CCDC86: variants seen among roughly 807,000 people sequenced by gnomAD.
The protein encoded by CCDC86 is coiled-coil domain-containing protein 86.
CCDC86 carries 28 observed loss-of-function variants against 36.7 expected under a neutral mutation model. That is an observed-to-expected ratio of 0.76 (90% CI 0.57 to 1.05). The LOEUF (loss-of-function observed/expected upper bound fraction) is 1.05. Ranked by LOEUF, CCDC86 falls within the 50% of genes least tolerant of loss-of-function variation. CCDC86 has a pLI of 0.00. For synonymous variants in CCDC86, 199 were observed against 203.4 expected, an observed-to-expected ratio of 0.98 and a Z score of 0.18; for missense variants, 453 against 470.2, an observed-to-expected ratio of 0.96 and a Z score of 0.34.
At position 60,842,697 on chromosome 11, in the gene CCDC86, T is replaced by G. The variant is rs753878118; in HGVS notation, c.573T>G (p.Gly191=). The change falls in exon 1 of 4, where the codon GGT becomes GGG. Residue 191 remains glycine, a synonymous_variant. Transcript: ENST00000227520. ...CCAGGGCACCTGGCTCCCCCCGGGG[T>G]CAGCATGAGCCGAGCAAGCCACCTC... ...LTPRAPGSPR[G]QHEPSKPPPA... 1.9e-6 allele frequency: 3 copies of G among 1,613,606 alleles called. No individual in the cohort carries two copies. The highest frequency in any genetic ancestry group is 1.1e-5 in the South Asian group (1 of 91,036).
Position 60,850,232 on chromosome 11 carries a change from G to T in CCDC86, c.990G>T (p.Arg330=). 6.2e-7 allele frequency: 1 copy of T among 1,614,214 alleles called. No homozygotes were observed. The highest frequency in any genetic ancestry group is 2.2e-5 in the East Asian group (1 of 44,874). The change falls in exon 4 of 4, where the codon CGG becomes CGT. Residue 330 remains arginine, a synonymous_variant. Transcript: ENST00000227520. ...TCCGAAACCCCGCCAAGCTCAAGCG[G>T]GCAAAGAAGAAGCAGCTGCGCTCCA... ...QVIRNPAKLK[R]AKKKQLRSIE...
At chr11:60,843,565 A>G (rs755514872) in intron 1 of CCDC86, among the ~76,000 whole-genome samples, 14 of 152,200 alleles carry the variant, frequency 9.2e-5, no homozygotes, top group Non-Finnish European at 2.1e-4. Flanking sequence ...CTTGAATTGG[A>G]TTGCGACCTT....
At chr11:60,844,204 G>A (rs115184211) in intron 1 of CCDC86, among the ~76,000 whole-genome samples, 1,771 of 152,234 alleles carry the variant, frequency 0.012, 37 homozygotes, top group African/African-American at 0.04. Context: ...ATGCAGAGGT[G>A]GGGAGAAGGG....
intron 1 of CCDC86, among the ~76,000 whole-genome samples, chr11:60,843,884 A>T (rs1308079308): frequency 6.6e-6 from 1 of 152,166 alleles, no homozygotes; most frequent in Non-Finnish European, 1.5e-5. Context: ...TGTGGATATT[A>T]TCCCCCCACC....
intron 3 of CCDC86, 85 bp downstream of exon 3, chr11:60,850,099 ACT>A: frequency 6.2e-7 from 1 of 1,603,598 alleles, no homozygotes; most frequent in Non-Finnish European, 8.5e-7. Context: ...ATGTACCCCC[ACT>A]CTCATGCTAC....
rs2134804067 is a variant in CCDC86 at position 60,849,986 on chromosome 11, A to G, written c.935A>G (p.Asn312Ser). 6.2e-7 allele frequency: 1 copy of G among 1,614,226 alleles called. No individual in the cohort carries two copies. The highest frequency in any genetic ancestry group is 8.5e-7 in the Non-Finnish European group (1 of 1,180,032). ...GAGAACCTGAAACGCCGCCTGGAGA[A>G]TGAGCGGAAGGCAGAGGTCGTCCAA... ...RAENLKRRLE[N>S]ERKAEVVQVI... Residue 312 changes from asparagine (N) to serine (S), a missense_variant, in exon 3 of 4, where the codon AAT becomes AGT. Coordinates refer to ENST00000227520, the MANE Select transcript of CCDC86 (RefSeq NM_024098.4).
chr11:60,845,372 G>A (rs1387505760), intron 1 of CCDC86, among the ~76,000 whole-genome samples: 1 of 152,196 alleles, frequency 6.6e-6, no homozygotes, highest in Non-Finnish European at 1.5e-5. Flanking sequence ...CCTGGCTACT[G>A]AACACAGACA....
rs1186757160 is a variant in CCDC86, at chr11:60,850,671, G to T, written c.*346G>T. On this transcript the variant is annotated 3_prime_UTR_variant, in exon 4 of 4. Coordinates refer to ENST00000227520, the MANE Select transcript of CCDC86 (RefSeq NM_024098.4). ...GCAGGTGACTCCCTCAGCAGTGTATGCCCTTTCTCAGCATCCTAGGTCCAT... is the reference window on the plus strand; with the variant it reads ...GCAGGTGACTCCCTCAGCAGTGTATTCCCTTTCTCAGCATCCTAGGTCCAT... 1 of 248,582 alleles carries T rather than the reference G, an allele frequency of 4.0e-6. No homozygotes were observed. Among genetic ancestry groups the T allele is most frequent in the Non-Finnish European group, 7.8e-6 (1 of 127,802 alleles). The allele number at this position is 248,582 out of a possible 1,614,324, so 15.4% of individuals were successfully genotyped here. A position where few individuals can be genotyped will look rare whatever the true frequency, so the allele number is the denominator to read the frequency against.
At chr11:60,849,384 C>T (rs1231091439) in intron 2 of CCDC86, among the ~76,000 whole-genome samples, 1 of 152,174 alleles carries the variant, frequency 6.6e-6, no homozygotes, top group African/African-American at 2.4e-5. Flanking sequence ...GCTAAGGTCT[C>T]CTGTTTAGGA....
chr11:60,848,487 A>C (rs1350340958), intron 2 of CCDC86, among the ~76,000 whole-genome samples: 4 of 152,150 alleles, frequency 2.6e-5, no homozygotes, highest in African/African-American at 9.7e-5. Context: ...GAAGCAGCCC[A>C]CACACCAGCA....
At position 60,850,465 on chromosome 11, in the gene CCDC86, C is replaced by T. The variant is rs1590576092; in HGVS notation, c.*140C>T. ...AGGGACCCCCACCCCGACCGGGGCT[C>T]CTCGGCCTTTGAAGGCTTCCAGGCA... On this transcript the variant is annotated 3_prime_UTR_variant, in exon 4 of 4. Transcript: ENST00000227520. 3.3e-6 allele frequency: 4 copies of T among 1,201,148 alleles called. No individual in the cohort carries two copies. Among genetic ancestry groups the T allele is most frequent in the Non-Finnish European group, 3.4e-6 (3 of 881,158 alleles). 74.4% of individuals were successfully genotyped at this position (1,201,148 alleles called of 1,614,324 possible).
intron 1 of CCDC86, 85 bp from the exon 2 acceptor site, chr11:60,847,839 G>T (rs17155425): frequency 6.8e-7 from 1 of 1,461,786 alleles, no homozygotes; most frequent in African/African-American, 1.4e-5. Flanking sequence ...GGGGAAGAAG[G>T]TCCAGAGCCT....
intron 2 of CCDC86, 35 bp from the exon 3 acceptor site, chr11:60,849,905 C>T (rs770026590): frequency 2.5e-6 from 4 of 1,591,664 alleles, no homozygotes; most frequent in Non-Finnish European, 2.6e-6. Flanking sequence ...TGCCTCTGCT[C>T]CCCGACTCAA....
At position 60,850,026 on chromosome 11, in the gene CCDC86, G is replaced by A. The variant is rs200647837; in HGVS notation, c.963+12G>A. Reference sequence around the variant, plus strand: ...AGGTCGTCCAAGTGGTGAGTGTCTCGTTTTCCCCCTCTGCCCTTCTGCCCC... The same window carrying A: ...AGGTCGTCCAAGTGGTGAGTGTCTCATTTTCCCCCTCTGCCCTTCTGCCCC... On this transcript the variant is annotated intron_variant, in intron 3 of 3. Transcript: ENST00000227520. The A allele has an allele frequency of 8.0e-4, 1,294 of 1,613,870 alleles. 2 individuals are homozygous for A. Among genetic ancestry groups the A allele is most frequent in the Non-Finnish European group, 1.0e-3 (1,224 of 1,179,878 alleles).
At chr11:60,844,990 C>A (rs2134799277) in intron 1 of CCDC86, among the ~76,000 whole-genome samples, 1 of 152,280 alleles carries the variant, frequency 6.6e-6, no homozygotes, top group Admixed American at 6.5e-5. Flanking sequence ...ATAAAGACTT[C>A]AAAGAAAAAT....
rs1347791072 is a variant in CCDC86 at position 60,849,994 on chromosome 11, A to G, written c.943A>G (p.Lys315Glu). Residue 315 changes from lysine to glutamate, a missense_variant, in exon 3 of 4, where the codon AAG becomes GAG. Physicochemically the swap from Lys to Glu is moderately conservative, Grantham distance 56. Transcript: ENST00000227520. Reference protein sequence around the residue: ...NLKRRLENERKAEVVQVIRNP... With the variant: ...NLKRRLENEREAEVVQVIRNP... ...GAAACGCCGCCTGGAGAATGAGCGG[A>G]AGGCAGAGGTCGTCCAAGTGGTGAG... is the stretch of plus-strand genomic sequence containing the variant. 6.2e-7 allele frequency: 1 copy of G among 1,614,222 alleles called. No homozygotes were observed.
chr11:60,847,145 G>A (rs1440373265), intron 1 of CCDC86, among the ~76,000 whole-genome samples: 10 of 150,608 alleles, frequency 6.6e-5, no homozygotes, highest in Admixed American at 2.6e-4. Flanking sequence ...GTGCAGTGGC[G>A]CGATCTCGGC....
chr11:60,842,167 A>G lies in CCDC86; in HGVS notation c.43A>G (p.Arg15Gly). 1 of 1,608,080 alleles carries G rather than the reference A, an allele frequency of 6.2e-7. No individual in the cohort carries two copies. Among genetic ancestry groups the G allele is most frequent in the South Asian group, 1.1e-5 (1 of 90,754 alleles). Residue 15 changes from arginine (R) to glycine (G), a missense_variant, in exon 1 of 4, where the codon AGG becomes GGG. Coordinates refer to ENST00000227520, the MANE Select transcript of CCDC86 (RefSeq NM_024098.4). ...LRRSRRLGGL[R>G]PESPESLTSV... The stretch of plus-strand genomic sequence containing the variant: ...GCGCAGCCGACGGCTGGGAGGCCTA[A>G]GGCCCGAATCCCCCGAGAGCCTCAC...
Position 60,847,914 on chromosome 11 carries a change from C to A in CCDC86, c.759-10C>A, listed in dbSNP as rs769839782. On this transcript the variant is annotated splice_polypyrimidine_tract_variant and intron_variant, in intron 1 of 3. Coordinates refer to ENST00000227520, the MANE Select transcript of CCDC86 (RefSeq NM_024098.4). ...ACAGACCCTGTATGCACCCACTCTC[C>A]CCCTTTCAGATTCTCCCAGATGCTT... 2.5e-6 allele frequency: 4 copies of A among 1,608,688 alleles called. No individual in the cohort carries two copies. The Admixed American group carries it at 6.7e-5, about 27-fold the overall frequency.
Sources: allele counts gnomAD v4.1 joint callset (sites outside exome capture counted in the v4.1 genomes callset), GRCh38; gene constraint gnomAD v4.1.1; transcripts MANE v1.5; gene names NCBI Gene and HGNC (gene_info 2026-07-23, HGNC 2026-07-21).